Variants in BAG4 observed in about 807,000 individuals in gnomAD.
BAG4 encodes the protein BAG family molecular chaperone regulator 4.
BAG4 carries 28 observed loss-of-function variants against 52.1 expected under a neutral mutation model. The observed-to-expected ratio is 0.54, with a 90% CI of 0.40 to 0.74. BAG4 has a LOEUF of 0.74. Ranked by LOEUF, BAG4 falls within the 30% of genes least tolerant of loss-of-function variation. The pLI, the probability that BAG4 is intolerant of heterozygous loss-of-function variation, is 0.00. For synonymous variants in BAG4, 208 were observed against 217.0 expected (o/e 0.96, Z 0.37); for missense variants, 525 against 572.0 (o/e 0.92, Z 0.84).
intron 2 of BAG4, among the ~76,000 whole-genome samples, chr8:38,204,543 G>T (rs1803735529): frequency 6.6e-6 from 1 of 151,960 alleles, no homozygotes; most frequent in East Asian, 1.9e-4. Flanking sequence ...TATAATCCCA[G>T]CACTTTGGGA....
chr8:38,184,841 A>G (rs1231816144), intron 1 of BAG4, among the ~76,000 whole-genome samples: 1 of 152,184 alleles, frequency 6.6e-6, no homozygotes, highest in Non-Finnish European at 1.5e-5. Context: ...CTATAATCCC[A>G]GCGCTTTGGG....
At chr8:38,183,191 T>C (rs534715401) in intron 1 of BAG4, among the ~76,000 whole-genome samples, 1 of 152,016 alleles carries the variant, frequency 6.6e-6, no homozygotes, top group South Asian at 2.1e-4. Flanking sequence ...ACCACAGGCG[T>C]CCGCCAGCAG....
intron 1 of BAG4, among the ~76,000 whole-genome samples, chr8:38,191,469 A>C (rs1453417998): frequency 1.3e-5 from 2 of 152,274 alleles, no homozygotes; most frequent in East Asian, 1.9e-4. Flanking sequence ...GCTTAAAACT[A>C]TACTTGGGCG....
rs547334792 is a variant in BAG4 at position 38,200,393 on chromosome 8, C to G, written c.379-7119C>G. 2.6e-5 allele frequency among the ~76,000 whole-genome samples: 4 copies of G among 152,212 alleles called. No individual in the cohort carries two copies. In the South Asian group the frequency reaches 8.3e-4, roughly 32 times the overall value. The stretch of plus-strand genomic sequence containing the variant: ...CATTAATCTATATGTCTTCCTTAAG[C>G]CAATACCAAACTGTTTTGATTACTG... On this transcript the variant is annotated intron_variant, in intron 2 of 4. Coordinates refer to ENST00000287322, the MANE Select transcript of BAG4 (RefSeq NM_004874.4).
chr8:38,181,531 G>GT, intron 1 of BAG4, among the ~76,000 whole-genome samples: 1 of 152,096 alleles, frequency 6.6e-6, no homozygotes, highest in East Asian at 2.0e-4. Context: ...GAGGTCAGGA[G>GT]TTTGAGACCA....
intron 2 of BAG4, among the ~76,000 whole-genome samples, chr8:38,194,356 A>G (rs972404141): frequency 2.6e-5 from 4 of 151,276 alleles, no homozygotes; most frequent in African/African-American, 7.3e-5. Flanking sequence ...CTGTTATATA[A>G]ATACGAGATA....
intron 2 of BAG4, among the ~76,000 whole-genome samples, chr8:38,194,170 C>G (rs1014450305): frequency 2.0e-5 from 3 of 152,056 alleles, no homozygotes; most frequent in Admixed American, 6.6e-5. Context: ...TCGTGCTCGG[C>G]CTGAAGTTAT....
At chr8:38,190,992 A>T (rs1803465356) in intron 1 of BAG4, among the ~76,000 whole-genome samples, 1 of 152,074 alleles carries the variant, frequency 6.6e-6, no homozygotes, top group Admixed American at 6.6e-5. Flanking sequence ...TCCTGACCTC[A>T]GGTGATCCAC....
intron 2 of BAG4, among the ~76,000 whole-genome samples, chr8:38,199,575 G>A (rs1440091310): frequency 6.6e-6 from 1 of 150,526 alleles, no homozygotes; most frequent in Non-Finnish European, 1.5e-5. Flanking sequence ...CCAGGCTGGA[G>A]TGCAGTGGCA....
intron 3 of BAG4, among the ~76,000 whole-genome samples, chr8:38,208,183 G>T (rs1167064075): frequency 6.6e-6 from 1 of 151,112 alleles, no homozygotes; most frequent in Non-Finnish European, 1.5e-5. Flanking sequence ...CACCATGTTG[G>T]CCAGGATGGT....
At chr8:38,202,652 C>T (rs1803701173) in intron 2 of BAG4, among the ~76,000 whole-genome samples, 1 of 151,822 alleles carries the variant, frequency 6.6e-6, no homozygotes, top group African/African-American at 2.4e-5. Context: ...GGTGATCCTC[C>T]CACCTTAACT....
At chr8:38,198,806 T>C (rs1353262818) in intron 2 of BAG4, among the ~76,000 whole-genome samples, 2 of 152,050 alleles carry the variant, frequency 1.3e-5, no homozygotes, top group African/African-American at 4.8e-5. Flanking sequence ...TTTTTAAAAC[T>C]GTTTGTGTTA....
At chr8:38,199,883 T>C (rs1234901293) in intron 2 of BAG4, among the ~76,000 whole-genome samples, 1 of 152,130 alleles carries the variant, frequency 6.6e-6, no homozygotes, top group African/African-American at 2.4e-5. Context: ...ATGATTCATT[T>C]TGAGTTAATT....
At chr8:38,192,823 A>G in intron 2 of BAG4, 28 bp downstream of exon 2, 1 of 1,507,900 alleles carries the variant, frequency 6.6e-7, no homozygotes, top group South Asian at 1.2e-5. Context: ...AGACTTTCTG[A>G]ACTTTTTCTT....
chr8:38,205,233 T>C (rs1361097129), intron 2 of BAG4, among the ~76,000 whole-genome samples: 2 of 128,888 alleles, frequency 1.6e-5, no homozygotes, highest in African/African-American at 5.6e-5. Flanking sequence ...TTTTTTTTTG[T>C]AGAGATGAGG....
chr8:38,182,987 AACC>A (rs111353274), intron 1 of BAG4, among the ~76,000 whole-genome samples: 35,034 of 148,944 alleles, frequency 0.24, 4,298 homozygotes, highest in East Asian at 0.3. Context: ...ACAATTACAT[AACC>A]ACCACCACCA....
At position 38,207,783 on chromosome 8, in the gene BAG4, T is replaced by TG. The variant is rs769251678; in HGVS notation, c.633+20dup. On this transcript the variant is annotated intron_variant, in intron 3 of 4. Coordinates refer to ENST00000287322, the MANE Select transcript of BAG4 (RefSeq NM_004874.4). ...CCTTCACAGGTGAGTTGTTTTCTAT[T>TG]GGGAAAAAAATGAATTCAAAGTCTC... 3.7e-6 allele frequency: 6 copies of TG among 1,611,566 alleles called. No individual in the cohort carries two copies. Among genetic ancestry groups the TG allele is most frequent in the Admixed American group, 1.7e-5 (1 of 59,314 alleles).
Position 38,207,549 on chromosome 8 carries a change from C to G in BAG4, c.416C>G (p.Thr139Arg). The change falls in exon 3 of 5, where the codon ACA (threonine) becomes AGA (arginine). Residue 139 changes from threonine to arginine, a missense_variant. Transcript: ENST00000287322. ...TATACAAATGGAGCGTATGGTCCAA[C>G]ATACCCCCCAGGCCCTGGGGCAAAT... ...NSYTNGAYGP[T>R]YPPGPGANTA... is the part of the protein sequence containing the mutation. The G allele has an allele frequency of 6.2e-7, 1 of 1,613,838 alleles. No individual in the cohort carries two copies. The highest frequency in any genetic ancestry group is 8.5e-7 in the Non-Finnish European group (1 of 1,179,938).
intron 2 of BAG4, among the ~76,000 whole-genome samples, chr8:38,206,167 T>G (rs1803766857): frequency 6.6e-6 from 1 of 151,192 alleles, no homozygotes; most frequent in African/African-American, 2.4e-5. Context: ...CCCAGCTACT[T>G]GGGAGGCTGA....
Sources: allele counts gnomAD v4.1 joint callset (sites outside exome capture counted in the v4.1 genomes callset), GRCh38; gene constraint gnomAD v4.1.1; transcripts MANE v1.5; gene names NCBI Gene and HGNC (gene_info 2026-07-23, HGNC 2026-07-21).